Variants in PTPN9 observed in about 807,000 individuals in gnomAD.
The protein encoded by PTPN9 is tyrosine-protein phosphatase non-receptor type 9.
In PTPN9, 26 loss-of-function variants were observed where a neutral mutation model predicts 69.8. The ratio of observed to expected loss-of-function variants is 0.37; its 90% CI spans 0.27 to 0.52. The LOEUF is 0.52. PTPN9 is among the 20% of genes least tolerant of loss of function. The pLI is 0.91. For synonymous variants in PTPN9, 274 were observed against 272.5 expected, an observed-to-expected ratio of 1.01 and a Z score of -0.05; for missense variants, 549 against 740.3, an observed-to-expected ratio of 0.74 and a Z score of 3.00.
intron 1 of PTPN9, among the ~76,000 whole-genome samples, chr15:75,564,972 G>A (rs1332284050): frequency 6.6e-6 from 1 of 151,556 alleles, no homozygotes; most frequent in African/African-American, 2.4e-5. Flanking sequence ...GTGGTGGCAC[G>A]TGCCTGTAAT....
At chr15:75,500,803 T>C (rs916777159) in intron 7 of PTPN9, among the ~76,000 whole-genome samples, 1 of 151,814 alleles carries the variant, frequency 6.6e-6, no homozygotes, top group Non-Finnish European at 1.5e-5. Context: ...GGAGGATCAA[T>C]TGAGCATCAA....
chr15:75,478,858 T>TG (rs1346215568), intron 9 of PTPN9, among the ~76,000 whole-genome samples: 20 of 152,346 alleles, frequency 1.3e-4, no homozygotes, highest in African/African-American at 4.6e-4. Context: ...TGCTCTGCAG[T>TG]GGTCAAAGGG....
intron 1 of PTPN9, among the ~76,000 whole-genome samples, chr15:75,533,260 A>ATTTGT (rs2074970622): frequency 6.6e-6 from 1 of 152,080 alleles, no homozygotes. Context: ...TAAGGGTAAG[A>ATTTGT]TTTGTTTTGT....
intron 2 of PTPN9, among the ~76,000 whole-genome samples, chr15:75,525,025 T>G (rs2074921466): frequency 6.6e-6 from 1 of 151,990 alleles, no homozygotes; most frequent in Non-Finnish European, 1.5e-5. Context: ...GCAGCAGCAC[T>G]GACATGGTAC....
intron 1 of PTPN9, among the ~76,000 whole-genome samples, 181 bp downstream of exon 1, chr15:75,578,533 T>G (rs905624109): frequency 6.6e-6 from 1 of 151,352 alleles, no homozygotes; most frequent in Non-Finnish European, 1.5e-5. Context: ...GTCCCGTGGG[T>G]CCCCCGACGA....
At position 75,537,753 on chromosome 15, in the gene PTPN9, C is replaced by CAAAAAAAAAAAA. The variant is rs1164644727; in HGVS notation, c.64-10504_64-10493dup. Among the ~76,000 whole-genome samples, 15 of 11,390 alleles carry CAAAAAAAAAAAA rather than the reference C, an allele frequency of 1.3e-3. 2 individuals are homozygous for CAAAAAAAAAAAA. Among genetic ancestry groups the CAAAAAAAAAAAA allele is most frequent in the African/African-American group, 5.9e-3 (13 of 2,196 alleles). 7.5% of individuals were successfully genotyped at this position (11,390 alleles called of 152,430 possible). ...AGGGCAACAGAGGGAGACTCCATCT[C>CAAAAAAAAAAAA]AAAAAAAAAAAAAAAAAAAAAAAGG... On this transcript the variant is annotated intron_variant, in intron 1 of 12. Coordinates refer to ENST00000618819, the MANE Select transcript of PTPN9 (RefSeq NM_002833.4).
At chr15:75,472,701 C>G (rs1259561867) in intron 10 of PTPN9, among the ~76,000 whole-genome samples, 11 of 150,832 alleles carry the variant, frequency 7.3e-5, no homozygotes, top group African/African-American at 2.7e-4. Flanking sequence ...ATCACTTGAA[C>G]CCAGGAGGCA....
intron 1 of PTPN9, among the ~76,000 whole-genome samples, chr15:75,569,180 T>C (rs1021762679): frequency 6.6e-6 from 1 of 152,164 alleles, no homozygotes; most frequent in African/African-American, 2.4e-5. Flanking sequence ...ATGGCTGATA[T>C]TACACTAGAG....
intron 1 of PTPN9, among the ~76,000 whole-genome samples, chr15:75,575,975 T>C (rs1243422360): frequency 1.3e-5 from 2 of 148,364 alleles, no homozygotes; most frequent in Non-Finnish European, 3.0e-5. Flanking sequence ...GGCCCAGGCC[T>C]GTAATCCCAG....
intron 1 of PTPN9, among the ~76,000 whole-genome samples, chr15:75,573,361 A>T (rs535696823): frequency 6.6e-6 from 1 of 152,324 alleles, no homozygotes; most frequent in South Asian, 2.1e-4. Context: ...GCTCCTTAAA[A>T]GCAAAAACAT....
At chr15:75,546,404 G>A (rs560479720) in intron 1 of PTPN9, among the ~76,000 whole-genome samples, 2 of 152,280 alleles carry the variant, frequency 1.3e-5, no homozygotes, top group Non-Finnish European at 2.9e-5. Context: ...AGTACTTTGG[G>A]AGGCCGAGGC....
intron 1 of PTPN9, among the ~76,000 whole-genome samples, chr15:75,547,010 G>A (rs1170695448): frequency 6.6e-6 from 1 of 151,280 alleles, no homozygotes; most frequent in African/African-American, 2.4e-5. Context: ...AACCACCTGT[G>A]CCAGGCCAGG....
chr15:75,535,984 A>G (rs573359677), intron 1 of PTPN9, among the ~76,000 whole-genome samples: 4 of 152,362 alleles, frequency 2.6e-5, no homozygotes, highest in Non-Finnish European at 5.9e-5. Flanking sequence ...CTTCTCAGGA[A>G]AACATTGCCT....
intron 7 of PTPN9, among the ~76,000 whole-genome samples, chr15:75,499,399 C>CTTTTTT (rs71440245): frequency 1.7e-4 from 14 of 84,520 alleles, no homozygotes; most frequent in East Asian, 3.5e-4. Context: ...TCTAAACCCA[C>CTTTTTT]TTTTTTTTTT....
intron 8 of PTPN9, among the ~76,000 whole-genome samples, chr15:75,485,990 C>T (rs1416862793): frequency 1.3e-5 from 2 of 151,144 alleles, no homozygotes. Flanking sequence ...GTCCCAGCTA[C>T]CTGGGAGGCT....
chr15:75,550,659 T>C (rs928678967), intron 1 of PTPN9, among the ~76,000 whole-genome samples: 2 of 151,752 alleles, frequency 1.3e-5, no homozygotes. Flanking sequence ...TAGTGGCGCA[T>C]GCCTGTAATC....
intron 1 of PTPN9, among the ~76,000 whole-genome samples, chr15:75,574,284 C>A (rs1482572815): frequency 1.4e-5 from 2 of 146,328 alleles, no homozygotes; most frequent in African/African-American, 2.5e-5. Flanking sequence ...GATCCTGTCT[C>A]CACAAAAAAA....
intron 8 of PTPN9, among the ~76,000 whole-genome samples, chr15:75,489,207 A>G (rs2074696128): frequency 6.6e-6 from 1 of 151,022 alleles, no homozygotes; most frequent in South Asian, 2.1e-4. Flanking sequence ...AATTTGTCCT[A>G]ATGTTACCCT....
chr15:75,535,989 T>C (rs1005959871), intron 1 of PTPN9, among the ~76,000 whole-genome samples: 8 of 152,250 alleles, frequency 5.3e-5, no homozygotes, highest in African/African-American at 1.9e-4. Context: ...CAGGAAAACA[T>C]TGCCTTTTCT....
Sources: gnomAD v4.1 joint callset for allele counts (sites outside exome capture counted in the v4.1 genomes callset) on GRCh38, gnomAD v4.1.1 for gene constraint, MANE v1.5 for transcripts, NCBI Gene and HGNC (gene_info 2026-07-23, HGNC 2026-07-21) for gene names.